The following GPR137B variants were observed in gnomAD, a reference collection of about 807,000 sequenced individuals.
The protein encoded by GPR137B is integral membrane protein GPR137B.
In GPR137B, 42 loss-of-function variants were observed where a neutral mutation model predicts 42.5. The observed-to-expected ratio is 0.99, with a 90% CI of 0.77 to 1.28. The LOEUF (loss-of-function observed/expected upper bound fraction) is 1.28. GPR137B is among the 50% of genes most tolerant of loss of function. The pLI, the probability that GPR137B is intolerant of heterozygous loss-of-function variation, is 0.00. For synonymous variants in GPR137B, 218 were observed against 209.7 expected (o/e 1.04, Z -0.34); for missense variants, 487 against 493.9 (o/e 0.99, Z 0.13).
intron 2 of GPR137B, among the ~76,000 whole-genome samples, chr1:236,177,546 TTTTTTG>T (rs1662722147): frequency 8.0e-6 from 1 of 125,458 alleles, no homozygotes; most frequent in Non-Finnish European, 1.6e-5. Context: ...GCTGTGGCAG[TTTTTTG>T]TTTTTGTTTT....
At position 236,208,525 on chromosome 1, in the gene GPR137B, T is replaced by A. The variant is rs1016754639; in HGVS notation, c.*367T>A. 28 of 951,250 alleles carry A rather than the reference T, an allele frequency of 2.9e-5. No homozygotes were observed. Among genetic ancestry groups the A allele is most frequent in the Middle Eastern group, 1.0e-3 (2 of 1,920 alleles). The allele number at this position is 951,250 out of a possible 1,614,324, so 58.9% of individuals were successfully genotyped here. On this transcript the variant is annotated 3_prime_UTR_variant, in exon 7 of 7. Coordinates refer to ENST00000366592, the MANE Select transcript of GPR137B (RefSeq NM_003272.4). ...ACAGACTTTTATGCATAATTCACTT[T>A]AAAAATATAGAATATATGGTCTAAT...
chr1:236,149,880 G>A (rs1334577794), intron 1 of GPR137B, among the ~76,000 whole-genome samples: 3 of 152,236 alleles, frequency 2.0e-5, no homozygotes, highest in Non-Finnish European at 2.9e-5. Flanking sequence ...GTGTGCCTGT[G>A]TGCACCTGTG....
At chr1:236,184,976 AG>A (rs1374119322) in intron 5 of GPR137B, among the ~76,000 whole-genome samples, 1 of 152,158 alleles carries the variant, frequency 6.6e-6, no homozygotes, top group Non-Finnish European at 1.5e-5. Flanking sequence ...TATGTTGGCC[AG>A]GCTGGTCTCG....
intron 1 of GPR137B, among the ~76,000 whole-genome samples, chr1:236,151,864 T>G (rs1275953216): frequency 6.6e-6 from 1 of 152,162 alleles, no homozygotes; most frequent in African/African-American, 2.4e-5. Context: ...CCCTGTCACC[T>G]TGGACTCTGC....
chr1:236,161,923 G>A (rs899025000), intron 1 of GPR137B, among the ~76,000 whole-genome samples: 13 of 152,146 alleles, frequency 8.5e-5, no homozygotes, highest in African/African-American at 3.1e-4. Context: ...CAGTAAATTA[G>A]TACCAGGAGT....
chr1:236,155,858 T>TGAG lies in GPR137B; in HGVS notation c.414+12825_414+12827dup, dbSNP rs1662008823. Among the ~76,000 whole-genome samples, 2 of 152,186 alleles carry TGAG rather than the reference T, an allele frequency of 1.3e-5. No homozygotes were observed. Among genetic ancestry groups the TGAG allele is most frequent in the Non-Finnish European group, 2.9e-5 (2 of 68,018 alleles). On this transcript the variant is annotated intron_variant, in intron 1 of 6. Transcript: ENST00000366592. The surrounding 1 kb of genome is among the most constrained non-coding windows in gnomAD (Gnocchi z 4.6). ...TGTTATCCCATTATCACTTATGAAA[T>TGAG]GAGGAATGCCTTGTGAGGACCAAGG...
Position 236,168,766 on chromosome 1 carries a change from C to CA in GPR137B, c.464+12dup. On this transcript the variant is annotated intron_variant, in intron 2 of 6. Coordinates refer to ENST00000366592, the MANE Select transcript of GPR137B (RefSeq NM_003272.4). ...ATTACTCAAATACCGGTAAGTACTG[C>CA]AGGGCATCTCTTTCTGTGGTAGAAG... The CA allele has an allele frequency of 6.3e-7, 1 of 1,574,824 alleles. No individual in the cohort carries two copies. The highest frequency in any genetic ancestry group is 8.7e-7 in the Non-Finnish European group (1 of 1,144,104).
intron 1 of GPR137B, among the ~76,000 whole-genome samples, chr1:236,157,466 G>T (rs780253372): frequency 6.6e-6 from 1 of 151,994 alleles, no homozygotes; most frequent in African/African-American, 2.4e-5. Context: ...CTCATGATCC[G>T]CCTCCCCCAC....
chr1:236,150,693 G>T lies in GPR137B; in HGVS notation c.414+7657G>T, dbSNP rs557137358. ...TCACCATCAGGAGCGCCCTACTGTCGGCTCCGAACACTGTGGCACCTGCAG... is the reference window on the plus strand; with the variant it reads ...TCACCATCAGGAGCGCCCTACTGTCTGCTCCGAACACTGTGGCACCTGCAG... On this transcript the variant is annotated intron_variant, in intron 1 of 6. Transcript: ENST00000366592. This position sits in a 1 kb window ranked among gnomAD's most constrained non-coding sequence, Gnocchi z 6.2. Among the ~76,000 whole-genome samples, 4 of 152,180 alleles carry T rather than the reference G, an allele frequency of 2.6e-5. No individual in the cohort carries two copies. The highest frequency in any genetic ancestry group is 5.9e-5 in the Non-Finnish European group (4 of 68,028).
In GPR137B at chr1:236,207,566, C is replaced by T. The variant is rs543194589; in HGVS notation, c.1092-484C>T. On this transcript the variant is annotated intron_variant, in intron 6 of 6. Transcript: ENST00000366592. ...TAGAGGAACATAATTATAATGAAAA[C>T]GACTTACGTGTATTGAGAATTAACT... 6.7e-4 allele frequency among the ~76,000 whole-genome samples: 102 copies of T among 152,250 alleles called. 1 individual carries two copies. In the South Asian group the frequency reaches 0.015, roughly 22 times the overall value.
chr1:236,179,132 A>C (rs1403497430), intron 3 of GPR137B, among the ~76,000 whole-genome samples: 1 of 151,904 alleles, frequency 6.6e-6, no homozygotes, highest in African/African-American at 2.4e-5. Flanking sequence ...TGTGGTTTTT[A>C]ATAGGAAGGG....
At chr1:236,207,980 A>T (rs1459843187) in intron 6 of GPR137B, 70 bp from the exon 7 acceptor site, 2 of 1,116,730 alleles carry the variant, frequency 1.8e-6, no homozygotes, top group East Asian at 2.5e-5. Context: ...AGCTCTGTCT[A>T]CCTAAACTAG....
At chr1:236,205,307 T>G in intron 6 of GPR137B, 57 bp downstream of exon 6, 8 of 1,472,570 alleles carry the variant, frequency 5.4e-6, no homozygotes, top group Non-Finnish European at 7.5e-6. Context: ...TTACACCAGT[T>G]AAATAGATTC....
chr1:236,163,383 T>G (rs1422162218), intron 1 of GPR137B, among the ~76,000 whole-genome samples: 1 of 152,202 alleles, frequency 6.6e-6, no homozygotes, highest in East Asian at 1.9e-4. Flanking sequence ...GGGTTAATGC[T>G]GAAATGAGTT....
At chr1:236,199,362 T>C (rs996573718) in intron 5 of GPR137B, among the ~76,000 whole-genome samples, 11 of 152,064 alleles carry the variant, frequency 7.2e-5, no homozygotes, top group Non-Finnish European at 1.6e-4. Context: ...AGTTTTGCTA[T>C]GTCCTTTCCT....
intron 5 of GPR137B, among the ~76,000 whole-genome samples, chr1:236,188,720 C>A (rs1343793011): frequency 6.6e-6 from 1 of 152,162 alleles, no homozygotes; most frequent in African/African-American, 2.4e-5. Flanking sequence ...ATTCGGTTTG[C>A]CAGTACGTTA....
chr1:236,189,314 C>G (rs55693732), intron 5 of GPR137B, among the ~76,000 whole-genome samples: 5,951 of 152,170 alleles, frequency 0.039, 319 homozygotes, highest in African/African-American at 0.12. Flanking sequence ...TTTCGTGTCT[C>G]TATCTCCTTC....
intron 1 of GPR137B, among the ~76,000 whole-genome samples, chr1:236,164,347 G>T (rs776260416): frequency 2.6e-5 from 4 of 152,102 alleles, no homozygotes; most frequent in Non-Finnish European, 4.4e-5. Flanking sequence ...TTTCATTCTT[G>T]TACATCTGGG....
intron 1 of GPR137B, among the ~76,000 whole-genome samples, chr1:236,163,215 T>G (rs2102899772): frequency 6.6e-6 from 1 of 152,288 alleles, no homozygotes; most frequent in African/African-American, 2.4e-5. Context: ...TGTAACCACT[T>G]TGTTTTGGCC....
Sources: allele counts gnomAD v4.1 joint callset (sites outside exome capture counted in the v4.1 genomes callset), GRCh38; gene constraint gnomAD v4.1.1; non-coding constraint Gnocchi (gnomAD v3.1); transcripts MANE v1.5; gene names NCBI Gene and HGNC (gene_info 2026-07-23, HGNC 2026-07-21).